The following ABCA12 variants were observed in gnomAD, a reference collection of about 807,000 sequenced individuals.
ABCA12 encodes ATP binding cassette subfamily A member 12, also known as glucosylceramide transporter ABCA12.
In ABCA12, 156 loss-of-function variants were observed where a neutral mutation model predicts 293.5. The observed-to-expected ratio is 0.53, with a 90% CI of 0.47 to 0.61. The LOEUF is 0.61. Among genes scored for constraint, ABCA12 ranks in the 20% least tolerant of loss-of-function variants. The pLI is 0.00. For synonymous variants in ABCA12, 1,063 were observed against 1,108.0 expected (o/e 0.96, Z 0.81); for missense variants, 2,797 against 3,090.2 (o/e 0.91, Z 2.25).
Position 214,932,758 on chromosome 2 carries a change from A to C in ABCA12, c.7681-17T>G. On this transcript the variant is annotated splice_polypyrimidine_tract_variant and intron_variant, in intron 52 of 52. Coordinates refer to ENST00000272895, the MANE Select transcript of ABCA12 (RefSeq NM_173076.3). Reference sequence around the variant, plus strand: ...GATGAAAACCTGATTTTTCAGGGAAAATAAAGCCATTAATGCCTGGTAAGC... The same window carrying C: ...GATGAAAACCTGATTTTTCAGGGAACATAAAGCCATTAATGCCTGGTAAGC... 1 of 1,590,896 alleles carries C rather than the reference A, an allele frequency of 6.3e-7. No individual in the cohort carries two copies. Among genetic ancestry groups the C allele is most frequent in the Non-Finnish European group, 8.6e-7 (1 of 1,159,198 alleles).
chr2:215,039,929 G>C (rs1291049760), intron 7 of ABCA12, among the ~76,000 whole-genome samples: 5 of 151,892 alleles, frequency 3.3e-5, no homozygotes, highest in Non-Finnish European at 7.4e-5. Context: ...CCAAACTTAT[G>C]GGGCATCTCA....
chr2:215,085,246 C>G (rs1355392066), intron 2 of ABCA12, among the ~76,000 whole-genome samples: 1 of 152,104 alleles, frequency 6.6e-6, no homozygotes, highest in East Asian at 1.9e-4. Context: ...TTTTGATGCA[C>G]AAGACTTTCA....
intron 8 of ABCA12, chr2:215,032,103 A>G (rs978893363): frequency 7.0e-7 from 1 of 1,423,746 alleles, no homozygotes; most frequent in Admixed American, 2.7e-5. Context: ...CTACTGATCA[A>G]AATAATCCCG....
At position 214,951,084 on chromosome 2, in the gene ABCA12, C is replaced by G; in HGVS notation, c.6648-1G>C. On this transcript the variant is annotated splice_acceptor_variant, in intron 44 of 52. Transcript: ENST00000272895. LOFTEE classifies it high-confidence loss of function. ...AGAATTAAATTTTCTGAAGAAAAGC[C>G]TAAAAATGGACCCAGTGATTTTACG... is the stretch of plus-strand genomic sequence containing the variant. 6.2e-7 allele frequency: 1 copy of G among 1,612,950 alleles called. No individual in the cohort carries two copies. Among genetic ancestry groups the G allele is most frequent in the Non-Finnish European group, 8.5e-7 (1 of 1,179,226 alleles).
chr2:215,058,979 T>C (rs942576201), intron 3 of ABCA12, among the ~76,000 whole-genome samples: 3 of 152,024 alleles, frequency 2.0e-5, no homozygotes, highest in Non-Finnish European at 4.4e-5. Flanking sequence ...CTTTTTCCTA[T>C]GAGTAGGAAA....
chr2:215,131,692 CCTTT>C (rs529981867), intron 1 of ABCA12, among the ~76,000 whole-genome samples: 369 of 112,636 alleles, frequency 3.3e-3, no homozygotes, highest in African/African-American at 0.013. Context: ...ATTCATTGAT[CCTTT>C]CTATTGTTTT....
chr2:214,982,454 C>T, intron 29 of ABCA12, 71 bp from the exon 30 acceptor site: 1 of 1,227,764 alleles, frequency 8.1e-7, no homozygotes, highest in Non-Finnish European at 1.2e-6. Context: ...ATACAATAAC[C>T]CTAATTGATA....
At chr2:215,016,173 A>G (rs1465166770) in intron 14 of ABCA12, among the ~76,000 whole-genome samples, 2 of 151,940 alleles carry the variant, frequency 1.3e-5, no homozygotes, top group African/African-American at 4.8e-5. Context: ...TGGGGAAAAA[A>G]GAGACAAGGA....
intron 9 of ABCA12, chr2:215,028,948 A>G (rs1574995818): frequency 6.6e-6 from 1 of 152,354 alleles, no homozygotes; most frequent in East Asian, 1.9e-4. Context: ...TGTCAGAAAG[A>G]ATATTCTAAA....
chr2:215,031,835 G>A lies in ABCA12; in HGVS notation c.1047C>T (p.Ser349=), dbSNP rs762514136. 1.9e-6 allele frequency: 3 copies of A among 1,613,846 alleles called. No individual in the cohort carries two copies. The African/African-American group carries it at 4.0e-5, about 22-fold the overall frequency. The part of the protein sequence containing the change: ...NEDDGQTLSP[S]SLAAQLLILE... ...CAAAGACTTACTGTGCAGCCAGACT[G>A]CTTGGAGATAAGGTCTGTCCATCAT... Residue 349 remains serine (S), a synonymous_variant, in exon 9 of 53, where the codon AGC becomes AGT. Transcript: ENST00000272895.
chr2:215,019,040 C>A (rs917508835), intron 13 of ABCA12, among the ~76,000 whole-genome samples: 17 of 152,170 alleles, frequency 1.1e-4, no homozygotes, highest in African/African-American at 2.9e-4. Context: ...GCCCTTGCAG[C>A]TGACTATGGG....
chr2:215,086,505 T>C (rs1012083205), intron 2 of ABCA12, among the ~76,000 whole-genome samples: 6 of 152,174 alleles, frequency 3.9e-5, no homozygotes, highest in African/African-American at 1.4e-4. Flanking sequence ...AGTCAGTTAA[T>C]GTGGCTTGAC....
At chr2:215,047,621 A>C (rs373599921) in intron 6 of ABCA12, among the ~76,000 whole-genome samples, 1 of 152,146 alleles carries the variant, frequency 6.6e-6, no homozygotes, top group Non-Finnish European at 1.5e-5. Flanking sequence ...ACAAAATTCA[A>C]CTCAATTAAA....
At chr2:214,987,556 C>T (rs1574964401) in intron 27 of ABCA12, 91 bp downstream of exon 27, 2 of 1,466,554 alleles carry the variant, frequency 1.4e-6, no homozygotes. Flanking sequence ...GATAATTTTG[C>T]CATTTAGAAA....
chr2:215,068,549 C>G (rs1019407706), intron 2 of ABCA12, among the ~76,000 whole-genome samples: 15 of 152,082 alleles, frequency 9.9e-5, no homozygotes, highest in African/African-American at 3.6e-4. Flanking sequence ...CCTTCCCCTG[C>G]CTTGTTCACT....
intron 38 of ABCA12, among the ~76,000 whole-genome samples, chr2:214,967,157 G>A (rs147973377): frequency 0.013 from 1,905 of 152,164 alleles, 38 homozygotes; most frequent in African/African-American, 0.043. Flanking sequence ...GCAGAAATTG[G>A]GAAGAGAGTT....
chr2:215,084,985 T>A (rs954774873), intron 2 of ABCA12, among the ~76,000 whole-genome samples: 11 of 150,984 alleles, frequency 7.3e-5, no homozygotes, highest in African/African-American at 2.7e-4. Flanking sequence ...TCCTAGCTAC[T>A]TGGGAGGCTG....
At chr2:215,021,223 A>G (rs1700624884) in intron 11 of ABCA12, among the ~76,000 whole-genome samples, 1 of 152,190 alleles carries the variant, frequency 6.6e-6, no homozygotes, top group Non-Finnish European at 1.5e-5. Context: ...ATTCATTCTA[A>G]TAAGACTGTA....
At chr2:215,125,975 G>C (rs564661104) in intron 1 of ABCA12, among the ~76,000 whole-genome samples, 1 of 152,126 alleles carries the variant, frequency 6.6e-6, no homozygotes, top group South Asian at 2.1e-4. Context: ...TCCCTTGTAT[G>C]CCGATTTTGC....
Sources: gnomAD v4.1 joint callset for allele counts (sites outside exome capture counted in the v4.1 genomes callset) on GRCh38, gnomAD v4.1.1 for gene constraint, MANE v1.5 for transcripts, NCBI Gene and HGNC (gene_info 2026-07-23, HGNC 2026-07-21) for gene names.